ANKRD30B: variants seen among roughly 807,000 people sequenced by gnomAD.
ANKRD30B encodes the protein ankyrin repeat domain-containing protein 30B.
Under a neutral mutation model 202.2 loss-of-function variants are expected in ANKRD30B, and 144 were observed. That is an observed-to-expected ratio of 0.71 (90% confidence interval 0.62 to 0.82). The LOEUF is 0.82. ANKRD30B is among the 40% of genes least tolerant of loss of function. The pLI, the probability that ANKRD30B is intolerant of heterozygous loss-of-function variation, is 0.00. For missense variants in ANKRD30B, 1,487 were observed against 1,669.1 expected, an observed-to-expected ratio of 0.89 and a Z score of 1.90; for synonymous variants, 508 against 561.3, an observed-to-expected ratio of 0.91 and a Z score of 1.34.
intron 1 of ANKRD30B, 102 bp from the exon 2 acceptor site, chr18:14,752,464 G>T: frequency 1.3e-6 from 1 of 784,476 alleles, no homozygotes; most frequent in Non-Finnish European, 2.0e-6. Flanking sequence ...TGTTTTGAAG[G>T]TAGAGAAAGA....
intron 34 of ANKRD30B, among the ~76,000 whole-genome samples, chr18:14,832,930 T>C (rs1971015960): frequency 6.6e-6 from 1 of 152,156 alleles, no homozygotes. Flanking sequence ...AACTCATGTT[T>C]TGTTTGTTTG....
chr18:14,892,740 A>T, the ANKRD30B span, among the ~76,000 whole-genome samples: 44 of 90,796 alleles, frequency 4.8e-4, no homozygotes, highest in Admixed American at 1.3e-4. Context: ...ACTCTGTTTC[A>T]CCAAAAAAAA....
chr18:14,753,261 C>A (rs1913759308), intron 3 of ANKRD30B, among the ~76,000 whole-genome samples: 1 of 152,094 alleles, frequency 6.6e-6, no homozygotes, highest in Admixed American at 6.6e-5. Context: ...AATATTCTTT[C>A]CTACCCAAGG....
the ANKRD30B span, among the ~76,000 whole-genome samples, chr18:14,876,417 G>A: frequency 6.6e-6 from 1 of 152,344 alleles, no homozygotes; most frequent in South Asian, 2.1e-4. Flanking sequence ...CAGTTGGAGT[G>A]CCTGGGAGTG....
chr18:14,827,904 T>G (rs559606055), intron 32 of ANKRD30B, among the ~76,000 whole-genome samples: 1 of 152,274 alleles, frequency 6.6e-6, no homozygotes, highest in South Asian at 2.1e-4. Flanking sequence ...AAATAAGCAT[T>G]CTTAATGCAT....
chr18:14,851,157 G>C (rs1971866765), intron 41 of ANKRD30B, among the ~76,000 whole-genome samples: 1 of 151,566 alleles, frequency 6.6e-6, no homozygotes, highest in South Asian at 2.1e-4. Flanking sequence ...AGACATCAGA[G>C]TGTAAACCCA....
the ANKRD30B span, among the ~76,000 whole-genome samples, chr18:14,873,422 G>C: frequency 6.6e-6 from 1 of 151,562 alleles, no homozygotes; most frequent in Admixed American, 6.6e-5. Context: ...CTACTCAGGA[G>C]GCTGAGGCAG....
At chr18:14,766,921 A>T (rs746517155) in intron 7 of ANKRD30B, among the ~76,000 whole-genome samples, 71 of 152,184 alleles carry the variant, frequency 4.7e-4, no homozygotes, top group Non-Finnish European at 7.5e-4. Flanking sequence ...ATTAGATTTA[A>T]CTTACAAGTT....
chr18:14,932,737 C>T, the ANKRD30B span, among the ~76,000 whole-genome samples: 1 of 152,200 alleles, frequency 6.6e-6, no homozygotes, highest in Non-Finnish European at 1.5e-5. Flanking sequence ...AAGACCCTCT[C>T]AGGCTCTTCC....
At chr18:14,927,216 A>G in the ANKRD30B span, among the ~76,000 whole-genome samples, 1 of 152,188 alleles carries the variant, frequency 6.6e-6, no homozygotes, top group Admixed American at 6.5e-5. Flanking sequence ...AATTATTGCA[A>G]ATTTTTAGAA....
intron 16 of ANKRD30B, among the ~76,000 whole-genome samples, chr18:14,795,006 AC>A (rs1370308598): frequency 1.3e-5 from 2 of 152,344 alleles, no homozygotes; most frequent in East Asian, 3.9e-4. Context: ...CTTTTTCATA[AC>A]AGTGGCTTAA....
the ANKRD30B span, among the ~76,000 whole-genome samples, chr18:14,893,593 A>G: frequency 6.6e-6 from 1 of 151,982 alleles, no homozygotes; most frequent in Admixed American, 6.6e-5. Context: ...CCTGGACAAC[A>G]AGAGCTAGAC....
At chr18:14,884,776 A>C in the ANKRD30B span, among the ~76,000 whole-genome samples, 2 of 152,144 alleles carry the variant, frequency 1.3e-5, no homozygotes, top group Non-Finnish European at 2.9e-5. Flanking sequence ...GGACTATATT[A>C]TTTCTTGCTT....
rs1332665301 is a variant in ANKRD30B at position 14,837,740 on chromosome 18, A to C, written c.2988+64A>C. ...GTACTCAGTAATCTTAAAACATAAA[A>C]AGATGATTTGACTTTATTCTCTCAC... is the stretch of plus-strand genomic sequence containing the variant. On this transcript the variant is annotated intron_variant, in intron 36 of 43. Coordinates refer to ENST00000690538, the MANE Select transcript of ANKRD30B (RefSeq NM_001367607.2). 2.7e-5 allele frequency: 37 copies of C among 1,380,198 alleles called. No homozygotes were observed. In the Middle Eastern group the frequency reaches 1.5e-3, roughly 54 times the overall value. 85.5% of individuals were successfully genotyped at this position (1,380,198 alleles called of 1,614,324 possible).
chr18:14,853,727 C>G (rs1971981965), intron 42 of ANKRD30B, among the ~76,000 whole-genome samples, 82 bp from the exon 43 acceptor site: 1 of 152,066 alleles, frequency 6.6e-6, no homozygotes, highest in Non-Finnish European at 1.5e-5. Context: ...TAAACTGAAT[C>G]AATATATTTG....
At chr18:14,815,667 A>T (rs901980670) in intron 30 of ANKRD30B, among the ~76,000 whole-genome samples, 7 of 152,222 alleles carry the variant, frequency 4.6e-5, no homozygotes, top group African/African-American at 1.7e-4. Context: ...GAAAATTCTG[A>T]ATTTATTGCT....
At chr18:14,809,922 T>C in intron 26 of ANKRD30B, 64 bp from the exon 27 acceptor site, 3 of 1,321,298 alleles carry the variant, frequency 2.3e-6, no homozygotes, top group Non-Finnish European at 3.2e-6. Context: ...TCACACTCTA[T>C]GAACATTTGG....
chr18:14,833,558 C>T (rs1211958124), intron 34 of ANKRD30B, among the ~76,000 whole-genome samples: 7 of 151,974 alleles, frequency 4.6e-5, no homozygotes, highest in Admixed American at 4.6e-4. Context: ...GTTTATGAAA[C>T]ATTCATTTTT....
chr18:14,900,142 G>A, the ANKRD30B span, among the ~76,000 whole-genome samples: 1 of 152,126 alleles, frequency 6.6e-6, no homozygotes, highest in Non-Finnish European at 1.5e-5. Flanking sequence ...AAACATTTCA[G>A]TGGTCCACAT....
Sources: gnomAD v4.1 joint callset for allele counts (sites outside exome capture counted in the v4.1 genomes callset) on GRCh38, gnomAD v4.1.1 for gene constraint, MANE v1.5 for transcripts, NCBI Gene and HGNC (gene_info 2026-07-23, HGNC 2026-07-21) for gene names.